C1QTNF3: variants seen among roughly 807,000 people sequenced by gnomAD.
The protein encoded by C1QTNF3 is C1q and TNF related 3.
Under a neutral mutation model 32.6 loss-of-function variants are expected in C1QTNF3, and 26 were observed. The ratio of observed to expected loss-of-function variants is 0.80; its 90% confidence interval spans 0.58 to 1.11. The LOEUF (loss-of-function observed/expected upper bound fraction) is 1.11. Ranked by LOEUF, C1QTNF3 falls within the 50% of genes least tolerant of loss-of-function variation. The probability of loss-of-function intolerance (pLI) is 0.00; values close to 1 mark genes in which losing one functional copy is unlikely to be tolerated. For missense variants in C1QTNF3, 362 were observed against 398.2 expected (o/e 0.91, Z 0.77); for synonymous variants, 155 against 146.0 (o/e 1.06, Z -0.44).
the C1QTNF3 span, among the ~76,000 whole-genome samples, chr5:34,157,672 C>A: frequency 4.6e-5 from 7 of 152,260 alleles, 1 homozygote; most frequent in South Asian, 1.5e-3. Flanking sequence ...ACTTTGTTGG[C>A]TTTGATGCAG....
the C1QTNF3 span, among the ~76,000 whole-genome samples, chr5:34,177,956 T>A: frequency 2.6e-5 from 4 of 152,014 alleles, no homozygotes; most frequent in African/African-American, 7.2e-5. Context: ...ACCTAGACCC[T>A]CTCGAGTTTC....
At chr5:34,035,841 TTAGG>T (rs1206857786) in intron 1 of C1QTNF3, 83 bp from the exon 2 acceptor site, 1 of 967,246 alleles carries the variant, frequency 1.0e-6, no homozygotes, top group African/African-American at 1.7e-5. Context: ...GCCTTGGCCC[TTAGG>T]TAAGCTTAAT....
the C1QTNF3 span, among the ~76,000 whole-genome samples, chr5:34,087,570 CTTTTTTTTTTTTT>C: frequency 8.6e-5 from 6 of 70,028 alleles, no homozygotes; most frequent in South Asian, 6.7e-4. Context: ...ACGCTTTTGT[CTTTTTTTTTTTTT>C]TTTTTTTTTT....
At chr5:34,186,937 A>G in the C1QTNF3 span, among the ~76,000 whole-genome samples, 1 of 152,362 alleles carries the variant, frequency 6.6e-6, no homozygotes, top group East Asian at 1.9e-4. Context: ...CAATCAAGCC[A>G]GAAGTCAAAA....
the C1QTNF3 span, among the ~76,000 whole-genome samples, chr5:34,048,220 G>T: frequency 2.5e-4 from 38 of 151,844 alleles, no homozygotes; most frequent in Admixed American, 1.8e-3. Flanking sequence ...ATCTATTTGA[G>T]AAGCCAAATA....
intron 5 of C1QTNF3, among the ~76,000 whole-genome samples, chr5:34,021,444 C>T (rs1180537949): frequency 6.6e-6 from 1 of 152,192 alleles, no homozygotes; most frequent in Non-Finnish European, 1.5e-5. Flanking sequence ...CAAAAACTGA[C>T]TTGTTTGAAG....
In C1QTNF3 at chr5:34,018,164, T is replaced by C. The variant is rs909278583; in HGVS notation, c.*2419A>G. On this transcript the variant is annotated 3_prime_UTR_variant, in exon 6 of 6. Transcript: ENST00000382065. ...AATAAACACTTTAAAATAGTAATAT[T>C]ATTTAATATTTGATGGGATGATTAA... Among the ~76,000 whole-genome samples, 6 of 151,944 alleles carry C rather than the reference T, an allele frequency of 3.9e-5. No individual in the cohort carries two copies. Among genetic ancestry groups the C allele is most frequent in the African/African-American group, 1.4e-4 (6 of 41,434 alleles).
At position 34,020,488 on chromosome 5, in the gene C1QTNF3, G is replaced by T; in HGVS notation, c.*95C>A. 2.1e-6 allele frequency: 3 copies of T among 1,414,284 alleles called. No homozygotes were observed. The highest frequency in any genetic ancestry group is 1.9e-6 in the Non-Finnish European group (2 of 1,032,022). 87.6% of individuals were successfully genotyped at this position (1,414,284 alleles called of 1,614,324 possible). ...TGCAACCAATAATTTTTTGAATACA[G>T]CAATGTAAAACCCTCAACTTTAATG... On this transcript the variant is annotated 3_prime_UTR_variant, in exon 6 of 6. Transcript: ENST00000382065.
chr5:34,125,847 T>C, the C1QTNF3 span, among the ~76,000 whole-genome samples: 1 of 152,230 alleles, frequency 6.6e-6, no homozygotes, highest in Non-Finnish European at 1.5e-5. Context: ...TTTCTTGACT[T>C]TAATAGTCAA....
chr5:34,197,505 T>G, the C1QTNF3 span, among the ~76,000 whole-genome samples: 20 of 152,230 alleles, frequency 1.3e-4, no homozygotes, highest in African/African-American at 4.8e-4. Flanking sequence ...CTATTAATTA[T>G]AGTTTACCTA....
At chr5:34,056,174 G>C in the C1QTNF3 span, among the ~76,000 whole-genome samples, 1 of 151,862 alleles carries the variant, frequency 6.6e-6, no homozygotes, top group Non-Finnish European at 1.5e-5. Context: ...GCAAGGTTTT[G>C]ATGAGTTCCA....
the C1QTNF3 span, among the ~76,000 whole-genome samples, chr5:34,228,129 T>C: frequency 1.3e-5 from 2 of 151,976 alleles, no homozygotes; most frequent in African/African-American, 4.8e-5. Context: ...TTTCGGAAGG[T>C]AGAAAGATGG....
intron 5 of C1QTNF3, among the ~76,000 whole-genome samples, chr5:34,021,818 G>C (rs1754335614): frequency 6.6e-6 from 1 of 152,180 alleles, no homozygotes; most frequent in African/African-American, 2.4e-5. Flanking sequence ...AACACATGCA[G>C]GGTTTGAAAC....
At chr5:34,195,521 C>G in the C1QTNF3 span, among the ~76,000 whole-genome samples, 9 of 151,952 alleles carry the variant, frequency 5.9e-5, no homozygotes, top group Non-Finnish European at 1.3e-4. Context: ...CCATCTGCTA[C>G]AGACTGCATG....
the C1QTNF3 span, among the ~76,000 whole-genome samples, chr5:34,103,754 G>A: frequency 1.1e-3 from 153 of 145,324 alleles, 1 homozygote; most frequent in Admixed American, 1.6e-3. Flanking sequence ...CCTGGGAGGC[G>A]GAGGTTGTAG....
chr5:34,131,024 C>T, the C1QTNF3 span, among the ~76,000 whole-genome samples: 18 of 152,206 alleles, frequency 1.2e-4, no homozygotes, highest in Non-Finnish European at 4.4e-5. Context: ...TGATTATTAT[C>T]CTTGCCCTAG....
the C1QTNF3 span, among the ~76,000 whole-genome samples, chr5:34,115,328 C>G: frequency 1.3e-5 from 2 of 152,110 alleles, no homozygotes; most frequent in Non-Finnish European, 2.9e-5. Flanking sequence ...CAAATGTCTG[C>G]TAAGTATATG....
At position 34,018,579 on chromosome 5, in the gene C1QTNF3, A is replaced by G. The variant is rs840389; in HGVS notation, c.*2004T>C. Among the ~76,000 whole-genome samples, 69,988 of 152,046 alleles carry G rather than the reference A, an allele frequency of 0.46. 16,777 individuals carry two copies. Among genetic ancestry groups the G allele is most frequent in the South Asian group, 0.72 (3,451 of 4,824 alleles). ...AATGTTTATGAATTCCAGCCACATC[A>G]TTTGGAGTTTACATTTGCATATTCC... On this transcript the variant is annotated 3_prime_UTR_variant, in exon 6 of 6. Coordinates refer to ENST00000382065, the MANE Select transcript of C1QTNF3 (RefSeq NM_181435.6).
chr5:34,096,707 G>C, the C1QTNF3 span, among the ~76,000 whole-genome samples: 1 of 151,078 alleles, frequency 6.6e-6, no homozygotes, highest in African/African-American at 2.4e-5. Flanking sequence ...TAAATAAGTA[G>C]AGATAGGAAC....
Sources: gnomAD v4.1 joint callset for allele counts (sites outside exome capture counted in the v4.1 genomes callset) on GRCh38, gnomAD v4.1.1 for gene constraint, MANE v1.5 for transcripts, NCBI Gene and HGNC (gene_info 2026-07-23, HGNC 2026-07-21) for gene names.